Variants in SPATA13 observed in about 807,000 individuals in gnomAD.
SPATA13 encodes the protein spermatogenesis associated 13, also known as spermatogenesis-associated protein 13.
In SPATA13, 50 loss-of-function variants were observed where a neutral mutation model predicts 104.0. The ratio of observed to expected loss-of-function variants is 0.48; its 90% CI spans 0.38 to 0.61. The LOEUF (loss-of-function observed/expected upper bound fraction) is 0.61. Among genes scored for constraint, SPATA13 ranks in the 20% least tolerant of loss-of-function variants. The probability of loss-of-function intolerance (pLI) is 0.00; values close to 1 mark genes in which losing one functional copy is unlikely to be tolerated. For missense variants in SPATA13, 1,524 were observed against 1,690.6 expected (o/e 0.90, Z 1.73); for synonymous variants, 606 against 667.5 (o/e 0.91, Z 1.42).
intron 3 of SPATA13, among the ~76,000 whole-genome samples, chr13:24,097,437 A>G (rs1880119253): frequency 6.6e-6 from 1 of 152,128 alleles, no homozygotes; most frequent in Admixed American, 6.6e-5. Context: ...AAAGAGCTAA[A>G]CCTCAGTTTT....
At chr13:24,055,286 G>A (rs1394354206) in intron 3 of SPATA13, among the ~76,000 whole-genome samples, 2 of 152,200 alleles carry the variant, frequency 1.3e-5, no homozygotes, top group Non-Finnish European at 2.9e-5. Flanking sequence ...TAGATGTTAT[G>A]TATTCATCCT....
At chr13:24,047,302 G>A (rs1464550844) in intron 3 of SPATA13, among the ~76,000 whole-genome samples, 4 of 152,220 alleles carry the variant, frequency 2.6e-5, no homozygotes, top group Non-Finnish European at 5.9e-5. Flanking sequence ...TCTCCTAAGA[G>A]GCAAGGAATT....
At chr13:24,103,681 T>G (rs11617774) in intron 3 of SPATA13, among the ~76,000 whole-genome samples, 67,828 of 151,778 alleles carry the variant, frequency 0.45, 15,480 homozygotes, top group Middle Eastern at 0.49. Flanking sequence ...CTATATGTAT[T>G]TCTATATATT....
chr13:24,168,308 G>A (rs1882828378), intron 1 of SPATA13, among the ~76,000 whole-genome samples: 1 of 152,206 alleles, frequency 6.6e-6, no homozygotes, highest in African/African-American at 2.4e-5. Context: ...TCCTGGTAAG[G>A]TGGTTGAATT....
At chr13:24,003,559 A>G (rs1876080618) in intron 2 of SPATA13, among the ~76,000 whole-genome samples, 1 of 152,242 alleles carries the variant, frequency 6.6e-6, no homozygotes, top group Non-Finnish European at 1.5e-5. Flanking sequence ...TAGGATTTTA[A>G]AAGAAACAGA....
rs760980337 is a variant in SPATA13, at chr13:24,251,777, C to T, written c.2079C>T (p.Ala693=). The T allele has an allele frequency of 1.9e-6, 3 of 1,614,184 alleles. No homozygotes were observed. The highest frequency in any genetic ancestry group is 2.5e-6 in the Non-Finnish European group (3 of 1,180,030). ...TGCCACCCTACAAGGCTGTGTCGGC[C>T]CGGTTCCGGCCCTTCACATTCTCCC... ...HQVPPYKAVS[A]RFRPFTFSQS... is the part of the protein sequence containing the mutation. The change falls in exon 4 of 13, where the codon GCC becomes GCT. Residue 693 remains alanine (A), a synonymous_variant. Transcript: ENST00000382108.
At chr13:24,189,461 G>C (rs1001879158) in intron 1 of SPATA13, among the ~76,000 whole-genome samples, 1 of 132,238 alleles carries the variant, frequency 7.6e-6, no homozygotes, top group Non-Finnish European at 1.6e-5. Context: ...GTGACAGAGC[G>C]AGACTCCATC....
rs981259268 is a variant in SPATA13, at chr13:24,161,050, C to T, written c.-112+118C>T. The stretch of plus-strand genomic sequence containing the variant: ...CCTCGGGGCTTCGGGATGTCCAGCT[C>T]CCAGCTGCTTGGCCTCTGCTTCCCC... On this transcript the variant is annotated intron_variant, in intron 1 of 12. Transcript: ENST00000382108. The surrounding 1 kb of genome is among the most constrained non-coding windows in gnomAD (Gnocchi z 4.5). The T allele has an allele frequency of 3.3e-6, 2 of 606,608 alleles. No homozygotes were observed. The highest frequency in any genetic ancestry group is 4.1e-6 in the Non-Finnish European group (2 of 483,318). The allele number at this position is 606,608 out of a possible 1,614,324, so 37.6% of individuals were successfully genotyped here.
chr13:24,189,685 TATATA>T lies in SPATA13; in HGVS notation c.-112+28759_-112+28763del, dbSNP rs1320731627. ...TATATTTATATATTATATATATTTA[TATATA>T]ATATATAATATATTATATATAAAAG... On this transcript the variant is annotated intron_variant, in intron 1 of 12. Coordinates refer to ENST00000382108, the MANE Select transcript of SPATA13 (RefSeq NM_001166271.3). Among the ~76,000 whole-genome samples the T allele has an allele frequency of 8.5e-4, 15 of 17,698 alleles. 1 individual carries two copies. The highest frequency in any genetic ancestry group is 2.4e-3 in the South Asian group (1 of 410). The allele number at this position is 17,698 out of a possible 152,430, so 11.6% of individuals were successfully genotyped here.
chr13:24,298,849 A>G (rs1215874709), intron 11 of SPATA13, among the ~76,000 whole-genome samples: 1 of 152,226 alleles, frequency 6.6e-6, no homozygotes, highest in Non-Finnish European at 1.5e-5. Context: ...TGGTCAGGCT[A>G]AAACGGAAGC....
chr13:24,182,797 T>C (rs1387760110), intron 1 of SPATA13, among the ~76,000 whole-genome samples: 1 of 152,202 alleles, frequency 6.6e-6, no homozygotes, highest in Non-Finnish European at 1.5e-5. Context: ...GGGTTAAATA[T>C]ATTTGGCTGT....
At chr13:24,038,799 T>C (rs902263216) in intron 3 of SPATA13, among the ~76,000 whole-genome samples, 1 of 152,212 alleles carries the variant, frequency 6.6e-6, no homozygotes, top group Non-Finnish European at 1.5e-5. Flanking sequence ...GCAGGAGTTA[T>C]AGTTGTAATA....
In SPATA13 at chr13:24,067,831, A is replaced by G. The variant is rs368549603; in HGVS notation, c.-112+50130A>G. On this transcript the variant is annotated intron_variant, in intron 3 of 14. Coordinates refer to the SPATA13 transcript ENST00000424834. ...GTGATTCTCCTGCCTCAGCCTCCCA[A>G]ATAGCTGGGACTACAGGTGCCTGCC... Among the ~76,000 whole-genome samples, 5 of 152,078 alleles carry G rather than the reference A, an allele frequency of 3.3e-5. No homozygotes were observed. The East Asian group carries it at 5.8e-4, about 18-fold the overall frequency.
intron 3 of SPATA13, among the ~76,000 whole-genome samples, chr13:24,139,488 A>G (rs970185196): frequency 3.3e-5 from 5 of 152,358 alleles, no homozygotes; most frequent in African/African-American, 1.2e-4. Flanking sequence ...GGTGACTGGT[A>G]CAATTGCAGA....
At chr13:24,217,522 A>G (rs983574208) in intron 1 of SPATA13, among the ~76,000 whole-genome samples, 2 of 152,240 alleles carry the variant, frequency 1.3e-5, no homozygotes, top group African/African-American at 4.8e-5. Context: ...TTCTGCCTAT[A>G]GAGAACTTTC....
intron 2 of SPATA13, among the ~76,000 whole-genome samples, chr13:24,245,886 G>A (rs1369797321): frequency 1.3e-5 from 2 of 152,148 alleles, no homozygotes; most frequent in South Asian, 2.1e-4. Context: ...ACTGTGCTCC[G>A]GCCAACAGTT....
chr13:24,020,559 C>G (rs1876931512), intron 3 of SPATA13, among the ~76,000 whole-genome samples: 1 of 152,098 alleles, frequency 6.6e-6, no homozygotes, highest in Admixed American at 6.5e-5. Context: ...CTTTAACAGT[C>G]CATCAGGCTA....
chr13:24,122,062 A>G (rs534668517), intron 3 of SPATA13: 15 of 1,570,620 alleles, frequency 9.6e-6, no homozygotes, highest in Non-Finnish European at 1.2e-5. Context: ...AGAAAGAGAT[A>G]ACTCAATTCA....
intron 3 of SPATA13, chr13:24,122,564 G>A (rs1445979122): frequency 9.0e-6 from 14 of 1,559,402 alleles, no homozygotes; most frequent in East Asian, 4.5e-5. Flanking sequence ...ACTGCAGAGC[G>A]ATGACCTCTA....
Sources: allele counts gnomAD v4.1 joint callset (sites outside exome capture counted in the v4.1 genomes callset), GRCh38; gene constraint gnomAD v4.1.1; non-coding constraint Gnocchi (gnomAD v3.1); transcripts MANE v1.5; gene names NCBI Gene and HGNC (gene_info 2026-07-23, HGNC 2026-07-21).